The following TECTB variants were observed in gnomAD, a reference collection of about 807,000 sequenced individuals.
TECTB encodes the protein tectorin beta.
In TECTB, 45 loss-of-function variants were observed where a neutral mutation model predicts 43.3. The ratio of observed to expected loss-of-function variants is 1.04; its 90% confidence interval spans 0.82 to 1.33. The LOEUF is 1.33. TECTB is among the 40% of genes most tolerant of loss of function. TECTB has a pLI of 0.00. For synonymous variants in TECTB, 169 were observed against 156.7 expected (o/e 1.08, Z -0.59); for missense variants, 399 against 404.7 (o/e 0.99, Z 0.12).
chr10:112,283,925 C>G, intron 2 of TECTB, 115 bp downstream of exon 2: 1 of 1,122,704 alleles, frequency 8.9e-7, no homozygotes, highest in Non-Finnish European at 1.3e-6. Flanking sequence ...TGTAGCCAAG[C>G]AGGAAAGTAC....
In TECTB at chr10:112,293,796, G is replaced by A. The variant is rs764858431; in HGVS notation, c.542G>A (p.Gly181Asp). ...APFVLEASEI[G>D]SDLFAGVEAK... ...TTTGTCCTGGAGGCATCCGAAATCG[G>A]TTCAGATCTGTTTGCAGGAGTGGAA... is the stretch of plus-strand genomic sequence containing the variant. The change falls in exon 6 of 11, where the codon GGT becomes GAT. Residue 181 changes from glycine to aspartate, a missense_variant. Physicochemically the swap from Gly to Asp is moderately conservative, Grantham distance 94. Coordinates refer to ENST00000646139, the MANE Select transcript of TECTB (RefSeq NM_058222.3). The A allele has an allele frequency of 1.2e-6, 2 of 1,614,154 alleles. No individual in the cohort carries two copies. The highest frequency in any genetic ancestry group is 1.7e-6 in the Non-Finnish European group (2 of 1,180,022).
chr10:112,297,597 T>C (rs924453567), intron 7 of TECTB, among the ~76,000 whole-genome samples: 6 of 152,170 alleles, frequency 3.9e-5, no homozygotes, highest in Non-Finnish European at 8.8e-5. Context: ...TTAAATAATA[T>C]ACCATAAATA....
chr10:112,297,977 C>A, intron 7 of TECTB, 92 bp from the exon 8 acceptor site: 1 of 1,562,692 alleles, frequency 6.4e-7, no homozygotes, highest in Non-Finnish European at 8.7e-7. Flanking sequence ...GGTCATATAA[C>A]CACCTCGGGA....
At chr10:112,298,757 G>A (rs892805850) in intron 8 of TECTB, among the ~76,000 whole-genome samples, 3 of 152,198 alleles carry the variant, frequency 2.0e-5, no homozygotes, top group African/African-American at 7.2e-5. Flanking sequence ...TGAGAGGAAG[G>A]CCTGGGCAGG....
intron 2 of TECTB, 67 bp downstream of exon 2, chr10:112,283,877 A>G: frequency 6.6e-7 from 1 of 1,513,994 alleles, no homozygotes; most frequent in East Asian, 2.3e-5. Flanking sequence ...TACAATGCTC[A>G]GCACTTCTGT....
At chr10:112,287,992 G>A (rs995744139) in intron 5 of TECTB, among the ~76,000 whole-genome samples, 2 of 152,090 alleles carry the variant, frequency 1.3e-5, no homozygotes, top group African/African-American at 4.8e-5. Context: ...ATAATCGGGG[G>A]CTAAATACAG....
chr10:112,300,495 G>A (rs1848602115), intron 9 of TECTB, among the ~76,000 whole-genome samples: 1 of 152,166 alleles, frequency 6.6e-6, no homozygotes, highest in African/African-American at 2.4e-5. Context: ...CTGTCCTCAA[G>A]GGATTTACTG....
chr10:112,300,283 G>GAAAGA (rs1564710617), intron 9 of TECTB, among the ~76,000 whole-genome samples: 194 of 45,306 alleles, frequency 4.3e-3, no homozygotes, highest in Admixed American at 0.022. Flanking sequence ...AGAAAGAAAA[G>GAAAGA]AAAGAAAGAA....
chr10:112,284,524 G>C lies in TECTB; in HGVS notation c.77-11G>C. 6.3e-7 allele frequency: 1 copy of C among 1,594,502 alleles called. No homozygotes were observed. The highest frequency in any genetic ancestry group is 1.1e-5 in the South Asian group (1 of 87,348). On this transcript the variant is annotated splice_polypyrimidine_tract_variant and intron_variant, in intron 2 of 10. Transcript: ENST00000646139. ...CTAACTGATTTTAAACTATATGTGT[G>C]CTCTTTCCAGATGTCATTCTTGTGT... is the stretch of plus-strand genomic sequence containing the variant.
At chr10:112,286,748 C>T (rs1417166053) in intron 5 of TECTB, among the ~76,000 whole-genome samples, 3 of 152,026 alleles carry the variant, frequency 2.0e-5, no homozygotes, top group Admixed American at 6.6e-5. Context: ...GGTGAAATCT[C>T]GTCTCCACTA....
At position 112,303,624 on chromosome 10, in the gene TECTB, A is replaced by G; in HGVS notation, c.*312A>G. Reference sequence around the variant, plus strand: ...CTTTGAAAGCTATTTTAACTTTAAAAGGTTAGCAGACCCAACCAAGTACTG... The same window carrying G: ...CTTTGAAAGCTATTTTAACTTTAAAGGGTTAGCAGACCCAACCAAGTACTG... On this transcript the variant is annotated 3_prime_UTR_variant, in exon 11 of 11. Coordinates refer to ENST00000646139, the MANE Select transcript of TECTB (RefSeq NM_058222.3). The G allele has an allele frequency of 2.7e-6, 1 of 369,646 alleles. No homozygotes were observed. Among genetic ancestry groups the G allele is most frequent in the Non-Finnish European group, 5.0e-6 (1 of 200,380 alleles). 22.9% of individuals were successfully genotyped at this position (369,646 alleles called of 1,614,324 possible).
chr10:112,291,556 A>G (rs1483974886), intron 5 of TECTB, among the ~76,000 whole-genome samples: 1 of 152,204 alleles, frequency 6.6e-6, no homozygotes, highest in East Asian at 1.9e-4. Context: ...GAATACTATA[A>G]AGTCCATTTT....
Position 112,283,693 on chromosome 10 carries a change from G to A in TECTB, c.-42G>A, listed in dbSNP as rs1157969115. ...TGGAAGGACCGTAAACATTTGGCCA[G>A]CTTGGTTTGGATACCTGGCAGAGAC... On this transcript the variant is annotated 5_prime_UTR_variant, in exon 2 of 11. Coordinates refer to ENST00000646139, the MANE Select transcript of TECTB (RefSeq NM_058222.3). The A allele has an allele frequency of 6.2e-7, 1 of 1,604,906 alleles. No homozygotes were observed. The highest frequency in any genetic ancestry group is 2.2e-5 in the East Asian group (1 of 44,792).
chr10:112,290,728 C>T lies in TECTB; in HGVS notation c.484-3010C>T, dbSNP rs535336704. Among the ~76,000 whole-genome samples, 10 of 152,286 alleles carry T rather than the reference C, an allele frequency of 6.6e-5. No homozygotes were observed. In the South Asian group the frequency reaches 1.7e-3, roughly 25 times the overall value. On this transcript the variant is annotated intron_variant, in intron 5 of 10. Coordinates refer to ENST00000646139, the MANE Select transcript of TECTB (RefSeq NM_058222.3). ...ACATTAAAAATCACTGTAAATCTGC[C>T]ACTTCAACCTGCATTTTAAGCCAGT...
rs1334938877 is a variant in TECTB, at chr10:112,283,824, A to G, written c.76+14A>G. ...CAAATAAAGCAGGTATGTCCTCGCC[A>G]AGTCCATTTTCCTGGGACGAAAAGT... On this transcript the variant is annotated intron_variant, in intron 2 of 10. Transcript: ENST00000646139. 1 of 1,612,200 alleles carries G rather than the reference A, an allele frequency of 6.2e-7. No homozygotes were observed. The highest frequency in any genetic ancestry group is 8.5e-7 in the Non-Finnish European group (1 of 1,179,230).
intron 9 of TECTB, 74 bp from the exon 10 acceptor site, chr10:112,302,027 A>T: frequency 6.4e-7 from 1 of 1,569,924 alleles, no homozygotes; most frequent in East Asian, 2.3e-5. Context: ...TGTGTTGTAG[A>T]AACATCACTC....
chr10:112,286,481 A>G lies in TECTB; in HGVS notation c.483+90A>G, dbSNP rs1006552988. On this transcript the variant is annotated intron_variant, in intron 5 of 10. Transcript: ENST00000646139. Reference sequence around the variant, plus strand: ...CTTCCTCGGGATTCAGTCTTCCCCAAGCTCTGTGCAGAGCCCCATTCTTAA... The same window carrying G: ...CTTCCTCGGGATTCAGTCTTCCCCAGGCTCTGTGCAGAGCCCCATTCTTAA... 6 of 1,345,798 alleles carry G rather than the reference A, an allele frequency of 4.5e-6. No individual in the cohort carries two copies. In the African/African-American group the frequency reaches 5.8e-5, roughly 13 times the overall value. The allele number at this position is 1,345,798 out of a possible 1,614,324, so 83.4% of individuals were successfully genotyped here. A position where few individuals can be genotyped will look rare whatever the true frequency, so the allele number is the denominator to read the frequency against.
intron 9 of TECTB, 96 bp downstream of exon 9, chr10:112,299,660 C>A: frequency 7.3e-7 from 1 of 1,378,454 alleles, no homozygotes; most frequent in Non-Finnish European, 1.0e-6. Context: ...TACTGAATTG[C>A]CAAACCAGTC....
At chr10:112,292,222 A>T (rs1194093114) in intron 5 of TECTB, among the ~76,000 whole-genome samples, 1 of 152,122 alleles carries the variant, frequency 6.6e-6, no homozygotes, top group Non-Finnish European at 1.5e-5. Flanking sequence ...AGACTCAGAG[A>T]ATGGAGAAAT....
Sources: gnomAD v4.1 joint callset for allele counts (sites outside exome capture counted in the v4.1 genomes callset) on GRCh38, gnomAD v4.1.1 for gene constraint, MANE v1.5 for transcripts, NCBI Gene and HGNC (gene_info 2026-07-23, HGNC 2026-07-21) for gene names.